The following RASEF variants were observed in gnomAD, a reference collection of about 807,000 sequenced individuals.
The protein encoded by RASEF is ras and EF-hand domain-containing protein.
RASEF carries 68 observed loss-of-function variants against 90.1 expected under a neutral mutation model. That is an observed-to-expected ratio of 0.75 (90% CI 0.62 to 0.92). The LOEUF is 0.92. Among genes scored for constraint, RASEF ranks in the 40% least tolerant of loss-of-function variants. RASEF has a pLI of 0.00. For missense variants in RASEF, 949 were observed against 937.2 expected (o/e 1.01, Z -0.16); for synonymous variants, 331 against 345.2 (o/e 0.96, Z 0.46).
the RASEF span, among the ~76,000 whole-genome samples, chr9:83,215,078 G>A: frequency 2.0e-5 from 3 of 151,574 alleles, no homozygotes; most frequent in Non-Finnish European, 4.4e-5. Context: ...GAAGAGGAAC[G>A]TCTGAACACC....
At chr9:83,033,479 C>G (rs1829682215) in intron 1 of RASEF, among the ~76,000 whole-genome samples, 1 of 152,156 alleles carries the variant, frequency 6.6e-6, no homozygotes. Flanking sequence ...GCATCAATAG[C>G]CACAGGCTGT....
At chr9:83,144,335 GAAA>G in the RASEF span, among the ~76,000 whole-genome samples, 1,859 of 54,730 alleles carry the variant, frequency 0.034, 36 homozygotes, top group African/African-American at 0.061. Flanking sequence ...AGGAAAGAAA[GAAA>G]GAAAGAAAGA....
At chr9:83,077,409 T>A in the RASEF span, among the ~76,000 whole-genome samples, 3 of 152,180 alleles carry the variant, frequency 2.0e-5, no homozygotes, top group Non-Finnish European at 4.4e-5. Context: ...GAATCGGTCA[T>A]TAAATATACT....
chr9:82,993,280 A>G (rs1828849610), intron 14 of RASEF, among the ~76,000 whole-genome samples: 2 of 152,190 alleles, frequency 1.3e-5, no homozygotes, highest in Admixed American at 6.5e-5. Flanking sequence ...AACTAACTCC[A>G]TAACGCTTGC....
the RASEF span, among the ~76,000 whole-genome samples, chr9:83,190,582 CT>C: frequency 6.6e-6 from 1 of 152,130 alleles, no homozygotes; most frequent in Non-Finnish European, 1.5e-5. Context: ...GAAAGCTGTG[CT>C]TTTTATCTTG....
chr9:83,055,295 G>A (rs1830082190), intron 1 of RASEF: 1 of 360,908 alleles, frequency 2.8e-6, no homozygotes. Flanking sequence ...TCGGGTGGGA[G>A]TGACCCGATT....
At chr9:83,143,521 TTAA>T in the RASEF span, among the ~76,000 whole-genome samples, 2 of 152,100 alleles carry the variant, frequency 1.3e-5, no homozygotes, top group South Asian at 2.1e-4. Flanking sequence ...AGACCACAAT[TTAA>T]TAATAATAAT....
intron 16 of RASEF, among the ~76,000 whole-genome samples, chr9:82,988,625 G>A (rs1032629848): frequency 5.3e-5 from 8 of 152,012 alleles, no homozygotes; most frequent in Non-Finnish European, 8.8e-5. Context: ...GTGAGTTCTC[G>A]CTCTGAGTTC....
the RASEF span, among the ~76,000 whole-genome samples, chr9:83,195,961 G>C: frequency 6.6e-6 from 1 of 152,124 alleles, no homozygotes; most frequent in African/African-American, 2.4e-5. Context: ...CAGCTGGGCG[G>C]CTCCTGGGAT....
At position 83,027,657 on chromosome 9, in the gene RASEF, G is replaced by T. The variant is rs528412108; in HGVS notation, c.432-1736C>A. ...GAAAAATTAACCAGATTCAGTAGCT[G>T]ATCTGAAAGAGGATAAAGGAACTAG... On this transcript the variant is annotated intron_variant, in intron 1 of 16. Transcript: ENST00000376447. Among the ~76,000 whole-genome samples, 192 of 152,314 alleles carry T rather than the reference G, an allele frequency of 1.3e-3. 1 individual carries two copies. Among genetic ancestry groups the T allele is most frequent in the Non-Finnish European group, 2.2e-3 (147 of 68,026 alleles).
the RASEF span, among the ~76,000 whole-genome samples, chr9:83,077,881 G>A: frequency 1.9e-4 from 29 of 152,084 alleles, no homozygotes; most frequent in Admixed American, 1.3e-4. Context: ...AAGGGAAGAC[G>A]GTGGGGAGAA....
At chr9:83,000,025 ACACACACACACATT>A in intron 12 of RASEF, 130 bp downstream of exon 12, 1 of 653,280 alleles carries the variant, frequency 1.5e-6, no homozygotes, top group South Asian at 1.9e-5. Context: ...ACACACACAC[ACACACACACACATT>A]TATATATGTG....
At chr9:83,157,721 A>G in the RASEF span, among the ~76,000 whole-genome samples, 43 of 152,320 alleles carry the variant, frequency 2.8e-4, no homozygotes, top group African/African-American at 9.6e-4. Flanking sequence ...TTCTGCAATA[A>G]ATCTTTTCAA....
At chr9:83,027,762 T>A (rs562026961) in intron 1 of RASEF, among the ~76,000 whole-genome samples, 2 of 152,196 alleles carry the variant, frequency 1.3e-5, no homozygotes, top group Non-Finnish European at 2.9e-5. Context: ...GTATGAATAA[T>A]ATACCCTTTG....
intron 12 of RASEF, among the ~76,000 whole-genome samples, chr9:82,999,868 T>C (rs1828990753): frequency 6.6e-6 from 1 of 152,062 alleles, no homozygotes; most frequent in East Asian, 1.9e-4. Context: ...CCTCCCAAAG[T>C]GCTGGGATTA....
At chr9:83,031,484 T>A (rs1447085108) in intron 1 of RASEF, among the ~76,000 whole-genome samples, 9 of 152,166 alleles carry the variant, frequency 5.9e-5, no homozygotes, top group Non-Finnish European at 1.0e-4. Flanking sequence ...ATCACTAGTA[T>A]CCTATTTACT....
chr9:83,043,374 T>C (rs926364050), intron 1 of RASEF, among the ~76,000 whole-genome samples: 28 of 144,286 alleles, frequency 1.9e-4, no homozygotes, highest in Non-Finnish European at 3.4e-4. Flanking sequence ...ATAACTTCTC[T>C]GGAAAGAGGG....
the RASEF span, among the ~76,000 whole-genome samples, chr9:83,094,529 T>C: frequency 2.2e-4 from 34 of 152,314 alleles, 1 homozygote; most frequent in South Asian, 6.6e-3. Flanking sequence ...TTCTTCTCAT[T>C]GTCTGAAACC....
the RASEF span, among the ~76,000 whole-genome samples, chr9:83,109,712 G>A: frequency 1.6e-4 from 24 of 152,260 alleles, no homozygotes; most frequent in South Asian, 1.2e-3. Flanking sequence ...TTGAAGGAAT[G>A]TGCCCCATGC....
Sources: gnomAD v4.1 joint callset for allele counts (sites outside exome capture counted in the v4.1 genomes callset) on GRCh38, gnomAD v4.1.1 for gene constraint, MANE v1.5 for transcripts, NCBI Gene and HGNC (gene_info 2026-07-23, HGNC 2026-07-21) for gene names.